The following CAMK1D variants were observed in gnomAD, a reference collection of about 807,000 sequenced individuals.
CAMK1D encodes calcium/calmodulin dependent protein kinase ID, also known as calcium/calmodulin-dependent protein kinase type 1D.
In CAMK1D, 9 loss-of-function variants were observed where a neutral mutation model predicts 47.7. The observed-to-expected ratio is 0.19, with a 90% CI of 0.11 to 0.33. The LOEUF is 0.33. Among genes scored for constraint, CAMK1D ranks in the 10% least tolerant of loss-of-function variants. CAMK1D has a pLI of 1.00. For synonymous variants in CAMK1D, 184 were observed against 184.9 expected, an observed-to-expected ratio of 0.99 and a Z score of 0.04; for missense variants, 291 against 488.7, an observed-to-expected ratio of 0.60 and a Z score of 3.81.
At chr10:12,542,669 C>T (rs182064709) in intron 1 of CAMK1D, among the ~76,000 whole-genome samples, 1 of 152,294 alleles carries the variant, frequency 6.6e-6, no homozygotes, top group Non-Finnish European at 1.5e-5. Context: ...TGTTCAGAGG[C>T]TACATTTTTG....
intron 1 of CAMK1D, among the ~76,000 whole-genome samples, chr10:12,437,215 A>G (rs1349870230): frequency 2.0e-5 from 3 of 151,904 alleles, no homozygotes; most frequent in Non-Finnish European, 2.9e-5. Context: ...TAATCTATCT[A>G]GAGTCTCGCT....
chr10:12,385,739 CTTT>C (rs71384318), intron 1 of CAMK1D, among the ~76,000 whole-genome samples: 99 of 100,528 alleles, frequency 9.8e-4, no homozygotes, highest in African/African-American at 3.6e-3. Flanking sequence ...TTGAATTGTA[CTTT>C]TTTTTTTTTT....
At chr10:12,577,707 A>G (rs1262452141) in intron 2 of CAMK1D, among the ~76,000 whole-genome samples, 1 of 152,166 alleles carries the variant, frequency 6.6e-6, no homozygotes, top group African/African-American at 2.4e-5. Context: ...GGTTCTATTC[A>G]TGAGACTTCT....
intron 1 of CAMK1D, among the ~76,000 whole-genome samples, chr10:12,505,305 G>A (rs1234678217): frequency 3.9e-5 from 6 of 152,218 alleles, no homozygotes; most frequent in Non-Finnish European, 7.3e-5. Context: ...AGAGGAGCTT[G>A]TTGACCTCTT....
intron 3 of CAMK1D, among the ~76,000 whole-genome samples, chr10:12,693,955 AT>A (rs1833043867): frequency 1.6e-5 from 1 of 63,702 alleles, no homozygotes; most frequent in Non-Finnish European, 2.8e-5. Context: ...TATAATATAT[AT>A]TATATATAAA....
At chr10:12,530,152 C>T (rs1835757734) in intron 1 of CAMK1D, among the ~76,000 whole-genome samples, 1 of 152,204 alleles carries the variant, frequency 6.6e-6, no homozygotes, top group Admixed American at 6.5e-5. Context: ...GGATTTGGAT[C>T]AAGGTCTGGC....
chr10:12,504,300 G>T (rs1258335197), intron 1 of CAMK1D, among the ~76,000 whole-genome samples: 1 of 152,036 alleles, frequency 6.6e-6, no homozygotes, highest in Non-Finnish European at 1.5e-5. Flanking sequence ...CAGTCCGACA[G>T]TCCAAGTCCG....
In CAMK1D at chr10:12,547,639, A is replaced by ACCC. The variant is rs11393244; in HGVS notation, c.93-5578_93-5576dup. 3.5e-3 allele frequency among the ~76,000 whole-genome samples: 380 copies of ACCC among 109,236 alleles called. 16 individuals are homozygous for ACCC. Among genetic ancestry groups the ACCC allele is most frequent in the African/African-American group, 0.014 (359 of 25,488 alleles). The allele number at this position is 109,236 out of a possible 152,430, so 71.7% of individuals were successfully genotyped here. A position where few individuals can be genotyped will look rare whatever the true frequency, so the allele number is the denominator to read the frequency against. On this transcript the variant is annotated intron_variant, in intron 1 of 10. Coordinates refer to ENST00000619168, the MANE Select transcript of CAMK1D (RefSeq NM_153498.4). ...CTTTAGTGTTTCCTGTCACGAGGAC[A>ACCC]CCCCCCCCCCAACCCTGCACTCTCT...
At chr10:12,472,517 A>G (rs1415992618) in intron 1 of CAMK1D, among the ~76,000 whole-genome samples, 2 of 151,498 alleles carry the variant, frequency 1.3e-5, no homozygotes, top group Non-Finnish European at 2.9e-5. Context: ...CACTCAATTC[A>G]TTCAGCTTAT....
intron 3 of CAMK1D, among the ~76,000 whole-genome samples, chr10:12,708,835 A>G (rs778038502): frequency 6.6e-6 from 1 of 152,192 alleles, no homozygotes; most frequent in Non-Finnish European, 1.5e-5. Context: ...GCTTGTTTTC[A>G]ATGATCCCAT....
rs944107396 is a variant in CAMK1D, at chr10:12,537,997, C to T, written c.93-15228C>T. ...GAACTCACTGACTGAATATCACTTG[C>T]TGGATGCCGTATCAAATGCTAGGCC... On this transcript the variant is annotated intron_variant, in intron 1 of 10. Coordinates refer to ENST00000619168, the MANE Select transcript of CAMK1D (RefSeq NM_153498.4). 5.3e-5 allele frequency among the ~76,000 whole-genome samples: 8 copies of T among 152,262 alleles called. No individual in the cohort carries two copies. In the East Asian group the frequency reaches 1.3e-3, roughly 26 times the overall value.
intron 1 of CAMK1D, among the ~76,000 whole-genome samples, chr10:12,531,889 T>C (rs182878952): frequency 3.9e-5 from 6 of 152,344 alleles, no homozygotes; most frequent in African/African-American, 9.6e-5. Flanking sequence ...GGCTAGGGAA[T>C]TGACAGTAAA....
chr10:12,498,458 C>T (rs562633386), intron 1 of CAMK1D, among the ~76,000 whole-genome samples: 28 of 152,306 alleles, frequency 1.8e-4, no homozygotes, highest in Non-Finnish European at 2.8e-4. Context: ...GGGTGTGGCA[C>T]AGAGAGAGGT....
chr10:12,648,385 A>C (rs900870169), intron 2 of CAMK1D, among the ~76,000 whole-genome samples: 1 of 152,212 alleles, frequency 6.6e-6, no homozygotes, highest in Non-Finnish European at 1.5e-5. Flanking sequence ...TTATGTTTTC[A>C]GTGCTCCGCA....
intron 1 of CAMK1D, among the ~76,000 whole-genome samples, chr10:12,357,068 C>G (rs547728898): frequency 1.8e-4 from 27 of 152,256 alleles, no homozygotes; most frequent in African/African-American, 6.5e-4. Context: ...CCTGCTTCTC[C>G]TCCTCTCTCC....
chr10:12,782,616 T>C (rs1837549745), intron 5 of CAMK1D, among the ~76,000 whole-genome samples: 1 of 152,206 alleles, frequency 6.6e-6, no homozygotes, highest in African/African-American at 2.4e-5. Flanking sequence ...ATTTAGTAGC[T>C]GGTGTTCCTT....
chr10:12,757,051 A>T (rs1476930244), intron 3 of CAMK1D, among the ~76,000 whole-genome samples: 1 of 152,166 alleles, frequency 6.6e-6, no homozygotes, highest in African/African-American at 2.4e-5. Context: ...TGCTTCCTTA[A>T]TCTTTGCCAG....
At chr10:12,729,972 T>G (rs1481728575) in intron 3 of CAMK1D, among the ~76,000 whole-genome samples, 4 of 152,148 alleles carry the variant, frequency 2.6e-5, no homozygotes, top group Non-Finnish European at 5.9e-5. Context: ...TCCTGGACTT[T>G]GGGCTGACTC....
At chr10:12,350,362 A>C (rs1280526202) in intron 1 of CAMK1D, among the ~76,000 whole-genome samples, 1 of 152,172 alleles carries the variant, frequency 6.6e-6, no homozygotes, top group Non-Finnish European at 1.5e-5. Flanking sequence ...TACATCATGT[A>C]TTTCTATGGA....
Sources: gnomAD v4.1 joint callset for allele counts (sites outside exome capture counted in the v4.1 genomes callset) on GRCh38, gnomAD v4.1.1 for gene constraint, MANE v1.5 for transcripts, NCBI Gene and HGNC (gene_info 2026-07-23, HGNC 2026-07-21) for gene names.